ANKH: variants seen among roughly 807,000 people sequenced by gnomAD.
The protein encoded by ANKH is ANKH inorganic pyrophosphate transport regulator.
In ANKH, 15 loss-of-function variants were observed where a neutral mutation model predicts 49.0. The ratio of observed to expected loss-of-function variants is 0.31; its 90% CI spans 0.20 to 0.47. The LOEUF (loss-of-function observed/expected upper bound fraction) is 0.47. Among genes scored for constraint, ANKH ranks in the 20% least tolerant of loss-of-function variants. The pLI is 1.00. For missense variants in ANKH, 429 were observed against 652.0 expected, an observed-to-expected ratio of 0.66 and a Z score of 3.72; for synonymous variants, 273 against 260.0, an observed-to-expected ratio of 1.05 and a Z score of -0.48.
In ANKH at chr5:14,758,616, G is replaced by C. The variant is rs200278079; in HGVS notation, c.314-18C>G. 3.6e-5 allele frequency: 54 copies of C among 1,481,232 alleles called. No individual in the cohort carries two copies. The highest frequency in any genetic ancestry group is 4.9e-5 in the Non-Finnish European group (52 of 1,058,784). 91.8% of individuals were successfully genotyped at this position (1,481,232 alleles called of 1,614,324 possible). A position where few individuals can be genotyped will look rare whatever the true frequency, so the allele number is the denominator to read the frequency against. On this transcript the variant is annotated intron_variant, in intron 2 of 11. Coordinates refer to ENST00000284268, the MANE Select transcript of ANKH (RefSeq NM_054027.6). Reference sequence around the variant, plus strand: ...ACTATAAGCTGCAAAGTGTCGAAAGGCATATGTGGAAATATTTAGAAAAGG... The same window carrying C: ...ACTATAAGCTGCAAAGTGTCGAAAGCCATATGTGGAAATATTTAGAAAAGG...
chr5:14,739,135 G>A (rs748928505), intron 8 of ANKH, among the ~76,000 whole-genome samples: 1 of 152,174 alleles, frequency 6.6e-6, no homozygotes, highest in Non-Finnish European at 1.5e-5. Context: ...AAAAATCTCC[G>A]GCTGGGCGCA....
rs1738868178 is a variant in ANKH, at chr5:14,755,852, C to T, written c.516+9G>A. 2 of 1,613,304 alleles carry T rather than the reference C, an allele frequency of 1.2e-6. No homozygotes were observed. Among genetic ancestry groups the T allele is most frequent in the African/African-American group, 1.3e-5 (1 of 74,912 alleles). On this transcript the variant is annotated intron_variant, in intron 4 of 11. Transcript: ENST00000284268. ...GAGGAGCTCTGATTGACACACAGAC[C>T]ATATTTACCTGAGCTATGACATCTG...
At chr5:14,764,890 C>G (rs1739210251) in intron 2 of ANKH, among the ~76,000 whole-genome samples, 2 of 152,182 alleles carry the variant, frequency 1.3e-5, no homozygotes, top group South Asian at 4.1e-4. Flanking sequence ...CAGAACATGG[C>G]AAGGGCCTTA....
chr5:14,863,417 G>T (rs1735557625), intron 1 of ANKH, among the ~76,000 whole-genome samples: 1 of 152,074 alleles, frequency 6.6e-6, no homozygotes, highest in Admixed American at 6.6e-5. Flanking sequence ...GTTATGATTT[G>T]CCATATGATA....
chr5:14,791,988 C>T (rs1740182295), intron 1 of ANKH, among the ~76,000 whole-genome samples: 1 of 152,212 alleles, frequency 6.6e-6, no homozygotes, highest in Non-Finnish European at 1.5e-5. Flanking sequence ...GAATATGGAA[C>T]AGGCATAGGA....
intron 1 of ANKH, among the ~76,000 whole-genome samples, chr5:14,852,962 G>A (rs1046853263): frequency 1.3e-5 from 2 of 151,814 alleles, no homozygotes; most frequent in Non-Finnish European, 2.9e-5. Flanking sequence ...CCTCCTGTCC[G>A]CCAAACCGTG....
intron 1 of ANKH, among the ~76,000 whole-genome samples, chr5:14,833,152 C>T (rs1362538543): frequency 2.0e-5 from 3 of 152,170 alleles, no homozygotes; most frequent in Non-Finnish European, 2.9e-5. Flanking sequence ...CACATTAAGG[C>T]TTGCAATGGA....
intron 1 of ANKH, among the ~76,000 whole-genome samples, chr5:14,846,157 G>A (rs1027328954): frequency 3.9e-5 from 6 of 151,966 alleles, no homozygotes; most frequent in African/African-American, 7.3e-5. Flanking sequence ...GCGCCCGGCC[G>A]TAAAACTTAT....
In ANKH at chr5:14,711,011, G is replaced by GT. The variant is rs1737162645; in HGVS notation, c.*185dup. On this transcript the variant is annotated 3_prime_UTR_variant, in exon 12 of 12. Coordinates refer to ENST00000284268, the MANE Select transcript of ANKH (RefSeq NM_054027.6). ...AGCAACAGTAAAGACCATTCACTAG[G>GT]TCCCCCCGTCAGTGTGAGCATACCC... The GT allele has an allele frequency of 4.7e-6, 3 of 637,608 alleles. No individual in the cohort carries two copies. Among genetic ancestry groups the GT allele is most frequent in the African/African-American group, 1.8e-5 (1 of 55,480 alleles). 39.5% of individuals were successfully genotyped at this position (637,608 alleles called of 1,614,324 possible). A position where few individuals can be genotyped will look rare whatever the true frequency, so the allele number is the denominator to read the frequency against.
chr5:14,798,505 T>G (rs938573403), intron 1 of ANKH: 30 of 840,454 alleles, frequency 3.6e-5, no homozygotes, highest in Non-Finnish European at 5.4e-5. Context: ...TTTTTTTTAA[T>G]TAACAAATTG....
chr5:14,764,684 C>T (rs984698896), intron 2 of ANKH, among the ~76,000 whole-genome samples: 3 of 152,336 alleles, frequency 2.0e-5, no homozygotes, highest in East Asian at 1.9e-4. Context: ...CCAGCACCCT[C>T]GTTGGTTTAA....
At chr5:14,805,644 G>T (rs1477000277) in intron 1 of ANKH, among the ~76,000 whole-genome samples, 1 of 151,406 alleles carries the variant, frequency 6.6e-6, no homozygotes, top group African/African-American at 2.4e-5. Context: ...ATTTTTCTTA[G>T]TTACCTTGTT....
In ANKH at chr5:14,762,774, G is replaced by C. The variant is rs549349845; in HGVS notation, c.314-4176C>G. On this transcript the variant is annotated intron_variant, in intron 2 of 11. Transcript: ENST00000284268. Reference sequence around the variant, plus strand: ...TAATTTGTTTAAAGTGATTTGCATAGAGTCCATAATTACCAGGCTAGCTGC... The same window carrying C: ...TAATTTGTTTAAAGTGATTTGCATACAGTCCATAATTACCAGGCTAGCTGC... Among the ~76,000 whole-genome samples, 5 of 152,242 alleles carry C rather than the reference G, an allele frequency of 3.3e-5. No individual in the cohort carries two copies. The East Asian group carries it at 9.6e-4, about 29-fold the overall frequency.
chr5:14,819,692 C>T (rs902392022), intron 1 of ANKH, among the ~76,000 whole-genome samples: 1 of 152,036 alleles, frequency 6.6e-6, no homozygotes, highest in African/African-American at 2.4e-5. Flanking sequence ...AAGGCAAAAC[C>T]CCGTCTCTAC....
chr5:14,739,188 G>A (rs1450565799), intron 8 of ANKH, among the ~76,000 whole-genome samples: 1 of 152,140 alleles, frequency 6.6e-6, no homozygotes, highest in Non-Finnish European at 1.5e-5. Flanking sequence ...AGGCCGAGGC[G>A]GGCAGATCAC....
At chr5:14,814,092 G>C (rs936827336) in intron 1 of ANKH, among the ~76,000 whole-genome samples, 2 of 152,128 alleles carry the variant, frequency 1.3e-5, no homozygotes, top group Admixed American at 1.3e-4. Context: ...TCGAGACAGC[G>C]TTCCATCTCA....
chr5:14,789,348 C>T (rs989751283), intron 1 of ANKH, among the ~76,000 whole-genome samples: 2 of 151,932 alleles, frequency 1.3e-5, no homozygotes, highest in Non-Finnish European at 2.9e-5. Flanking sequence ...TTTGAGCTTC[C>T]GTATGAGTTA....
At chr5:14,800,632 G>T (rs192690655) in intron 1 of ANKH, among the ~76,000 whole-genome samples, 2 of 151,986 alleles carry the variant, frequency 1.3e-5, no homozygotes, top group Non-Finnish European at 2.9e-5. Context: ...TAGCAATGGA[G>T]TATCTTTTAT....
chr5:14,822,902 T>C (rs1741236612), intron 1 of ANKH, among the ~76,000 whole-genome samples: 2 of 152,026 alleles, frequency 1.3e-5, no homozygotes, highest in Admixed American at 6.6e-5. Flanking sequence ...GGCGCAGTGG[T>C]GCACGCCTGT....
Sources: allele counts gnomAD v4.1 joint callset (sites outside exome capture counted in the v4.1 genomes callset), GRCh38; gene constraint gnomAD v4.1.1; transcripts MANE v1.5; gene names NCBI Gene and HGNC (gene_info 2026-07-23, HGNC 2026-07-21).